IPO11: variants seen among roughly 807,000 people sequenced by gnomAD.
IPO11 encodes importin-11.
In IPO11, 66 loss-of-function variants were observed where a neutral mutation model predicts 143.2. The ratio of observed to expected loss-of-function variants is 0.46; its 90% CI spans 0.38 to 0.57. The LOEUF (loss-of-function observed/expected upper bound fraction) is 0.57, where lower values mean the gene tolerates loss of function less well. IPO11 is among the 20% of genes least tolerant of loss of function. IPO11 has a pLI of 0.00. For missense variants in IPO11, 1,026 were observed against 1,141.0 expected (o/e 0.90, Z 1.45); for synonymous variants, 385 against 377.8 (o/e 1.02, Z -0.22).
intron 27 of IPO11, among the ~76,000 whole-genome samples, chr5:62,586,850 G>A (rs751134772): frequency 7.5e-5 from 10 of 134,188 alleles, no homozygotes; most frequent in Non-Finnish European, 1.2e-4. Flanking sequence ...ATCAGTTTCC[G>A]ATATCTACAA....
At chr5:62,465,024 T>A (rs531376742) in intron 5 of IPO11, among the ~76,000 whole-genome samples, 4 of 152,318 alleles carry the variant, frequency 2.6e-5, no homozygotes, top group African/African-American at 9.6e-5. Flanking sequence ...GTTTTTGTTT[T>A]CTTACAAAAA....
chr5:62,534,376 T>C (rs1310091149), intron 22 of IPO11, among the ~76,000 whole-genome samples: 2 of 152,150 alleles, frequency 1.3e-5, no homozygotes, highest in Non-Finnish European at 2.9e-5. Flanking sequence ...TGAAGCAGGT[T>C]TCTCTAGATT....
chr5:62,596,039 G>A (rs1288318349), intron 28 of IPO11, among the ~76,000 whole-genome samples: 3 of 150,924 alleles, frequency 2.0e-5, no homozygotes, highest in Non-Finnish European at 3.0e-5. Flanking sequence ...CGGTAGAATC[G>A]CTTGAGCCCA....
chr5:62,446,089 C>G (rs1744708868), intron 3 of IPO11, among the ~76,000 whole-genome samples: 1 of 152,100 alleles, frequency 6.6e-6, no homozygotes, highest in Non-Finnish European at 1.5e-5. Flanking sequence ...TTTTTAATGA[C>G]CTGAATGTTT....
rs116588967 is a variant in IPO11 at position 62,578,239 on chromosome 5, G to A, written c.2583-13338G>A. On this transcript the variant is annotated intron_variant, in intron 27 of 29. Transcript: ENST00000325324. ...TACCAATTAGTACCTCACGTATTAA[G>A]TAGTACTCAGTATTTTTTGCAACCA... 8.8e-3 allele frequency among the ~76,000 whole-genome samples: 1,345 copies of A among 152,084 alleles called. 9 individuals carry two copies. Among genetic ancestry groups the A allele is most frequent in the Admixed American group, 0.016 (248 of 15,262 alleles).
chr5:62,614,625 A>G (rs1432502257), intron 29 of IPO11, among the ~76,000 whole-genome samples: 2 of 152,176 alleles, frequency 1.3e-5, no homozygotes, highest in East Asian at 3.9e-4. Flanking sequence ...AGGTAGGTGC[A>G]GGAGCCAGGG....
intron 24 of IPO11, among the ~76,000 whole-genome samples, chr5:62,538,273 T>G (rs1260378827): frequency 6.6e-6 from 1 of 152,170 alleles, no homozygotes; most frequent in Non-Finnish European, 1.5e-5. Flanking sequence ...GAATCCAAAG[T>G]GTACTTTAGG....
chr5:62,526,058 G>A, intron 20 of IPO11, 84 bp from the exon 21 acceptor site: 2 of 800,228 alleles, frequency 2.5e-6, no homozygotes, highest in Middle Eastern at 2.3e-4. Flanking sequence ...TTGGTTTTAG[G>A]GCTTTTTGTA....
chr5:62,598,009 C>T (rs1221607654), intron 28 of IPO11, among the ~76,000 whole-genome samples: 1 of 152,174 alleles, frequency 6.6e-6, no homozygotes, highest in Non-Finnish European at 1.5e-5. Flanking sequence ...CTAGGCATTA[C>T]AGTTCATGAC....
chr5:62,579,748 T>C, intron 27 of IPO11: 1 of 1,546,910 alleles, frequency 6.5e-7, no homozygotes, highest in Non-Finnish European at 8.7e-7. Context: ...TCCAAAAGCC[T>C]TTGTTCAATT....
chr5:62,461,209 G>A (rs1325776944), intron 5 of IPO11, among the ~76,000 whole-genome samples: 2 of 152,138 alleles, frequency 1.3e-5, no homozygotes, highest in Non-Finnish European at 2.9e-5. Context: ...TTGCCAAGGA[G>A]CAGGGATGGA....
chr5:62,561,690 A>G (rs1206584127), intron 27 of IPO11, among the ~76,000 whole-genome samples: 1 of 152,194 alleles, frequency 6.6e-6, no homozygotes, highest in Non-Finnish European at 1.5e-5. Context: ...ATTATTTCTA[A>G]GGACGTTTGC....
chr5:62,470,116 A>G, intron 6 of IPO11, 134 bp from the exon 7 acceptor site: 1 of 745,436 alleles, frequency 1.3e-6, no homozygotes, highest in Non-Finnish European at 2.3e-6. Flanking sequence ...TCCCAGCCAA[A>G]TGACCAGGAG....
At chr5:62,478,681 G>A (rs1746057714) in intron 9 of IPO11, among the ~76,000 whole-genome samples, 1 of 152,100 alleles carries the variant, frequency 6.6e-6, no homozygotes. Context: ...GAGGTAACAG[G>A]TAATTTTCTG....
chr5:62,563,535 T>C (rs968872615), intron 27 of IPO11, among the ~76,000 whole-genome samples: 1 of 152,188 alleles, frequency 6.6e-6, no homozygotes, highest in Admixed American at 6.5e-5. Context: ...AAATTTAATA[T>C]AGGTTGAGTA....
chr5:62,513,414 A>ACCCCCC (rs566338445), intron 19 of IPO11, among the ~76,000 whole-genome samples: 1 of 51,020 alleles, frequency 2.0e-5, no homozygotes, highest in Non-Finnish European at 4.1e-5. Flanking sequence ...GGGGGCGCTG[A>ACCCCCC]CCCCCCCCCC....
intron 22 of IPO11, among the ~76,000 whole-genome samples, chr5:62,533,519 C>G (rs1179866476): frequency 1.3e-5 from 2 of 152,172 alleles, no homozygotes; most frequent in African/African-American, 4.8e-5. Context: ...GCCGTACATT[C>G]TTTCATGAAA....
At chr5:62,435,364 G>A (rs1304776153) in intron 1 of IPO11, among the ~76,000 whole-genome samples, 1 of 150,406 alleles carries the variant, frequency 6.6e-6, no homozygotes, top group African/African-American at 2.4e-5. Flanking sequence ...ACTTGGGGAG[G>A]GATTGCTTGA....
intron 28 of IPO11, among the ~76,000 whole-genome samples, chr5:62,597,523 T>G (rs1745269535): frequency 6.6e-6 from 1 of 152,154 alleles, no homozygotes; most frequent in Non-Finnish European, 1.5e-5. Context: ...TGGTTACAGC[T>G]CAGCATTTGC....
Sources: gnomAD v4.1 joint callset for allele counts (sites outside exome capture counted in the v4.1 genomes callset) on GRCh38, gnomAD v4.1.1 for gene constraint, MANE v1.5 for transcripts, NCBI Gene and HGNC (gene_info 2026-07-23, HGNC 2026-07-21) for gene names.